Variants in RFC2 observed in about 807,000 individuals in gnomAD.
RFC2 encodes replication factor C subunit 2.
Under a neutral mutation model 44.8 loss-of-function variants are expected in RFC2, and 34 were observed. The observed-to-expected ratio is 0.76, with a 90% CI of 0.58 to 1.01. RFC2 has a LOEUF of 1.01. Ranked by LOEUF, RFC2 falls within the 50% of genes least tolerant of loss-of-function variation. RFC2 has a pLI of 0.00. For synonymous variants in RFC2, 177 were observed against 168.9 expected (o/e 1.05, Z -0.37); for missense variants, 400 against 453.6 (o/e 0.88, Z 1.07).
intron 5 of RFC2, among the ~76,000 whole-genome samples, chr7:74,243,772 C>A (rs1436725018): frequency 6.7e-6 from 1 of 149,858 alleles, no homozygotes; most frequent in African/African-American, 2.4e-5. Flanking sequence ...CCAGCCTGGG[C>A]AACAAAGTAA....
intron 1 of RFC2, among the ~76,000 whole-genome samples, chr7:74,253,992 T>C (rs1403805581): frequency 6.6e-6 from 1 of 152,172 alleles, no homozygotes; most frequent in African/African-American, 2.4e-5. Flanking sequence ...ACAAAAACTT[T>C]TGAAAAAACC....
Position 74,249,483 on chromosome 7 carries a change from G to A in RFC2, c.225+256C>T, listed in dbSNP as rs139468165. 1.2e-3 allele frequency among the ~76,000 whole-genome samples: 178 copies of A among 152,152 alleles called. 1 individual carries two copies. The highest frequency in any genetic ancestry group is 4.2e-3 in the African/African-American group (174 of 41,494). On this transcript the variant is annotated intron_variant, in intron 3 of 10. Transcript: ENST00000055077. ...TTGAACCTGGGAGGGAGAGGTTGCG[G>A]TGAGCAGAGATTGCACCACTGCACT...
intron 6 of RFC2, among the ~76,000 whole-genome samples, chr7:74,240,502 C>CAAA (rs1216974808): frequency 1.5e-4 from 11 of 73,378 alleles, no homozygotes; most frequent in Admixed American, 7.4e-4. Context: ...GCTGTGTCTC[C>CAAA]AAAAAAAAAA....
Position 74,232,082 on chromosome 7 carries a change from A to G in RFC2, c.*24T>C. On this transcript the variant is annotated 3_prime_UTR_variant, in exon 11 of 11. Transcript: ENST00000055077. The stretch of plus-strand genomic sequence containing the variant: ...CTGTACCTCAGAATAGGGCACCTGT[A>G]AGTCAGTCAGTGAAGTCTCTGCTCT... The G allele has an allele frequency of 7.2e-7, 1 of 1,397,542 alleles. No individual in the cohort carries two copies. Among genetic ancestry groups the G allele is most frequent in the Non-Finnish European group, 1.0e-6 (1 of 984,570 alleles). The allele number at this position is 1,397,542 out of a possible 1,614,324, so 86.6% of individuals were successfully genotyped here.
chr7:74,240,904 G>A (rs1260830749), intron 6 of RFC2, among the ~76,000 whole-genome samples: 2 of 152,044 alleles, frequency 1.3e-5, no homozygotes, highest in Non-Finnish European at 2.9e-5. Context: ...GGGATTACAG[G>A]TGTGAGCCAC....
intron 5 of RFC2, among the ~76,000 whole-genome samples, chr7:74,243,735 G>A (rs1803456462): frequency 6.7e-6 from 1 of 150,364 alleles, no homozygotes; most frequent in South Asian, 2.1e-4. Context: ...TGATGCGGGA[G>A]GACCGCTTGA....
intron 6 of RFC2, among the ~76,000 whole-genome samples, 190 bp downstream of exon 6, chr7:74,242,956 A>C (rs555321971): frequency 6.6e-6 from 1 of 150,792 alleles, no homozygotes; most frequent in Non-Finnish European, 1.5e-5. Context: ...GTGGTGGCAC[A>C]GGCCTGTAGT....
intron 5 of RFC2, among the ~76,000 whole-genome samples, chr7:74,244,527 T>C (rs1055994183): frequency 6.6e-6 from 1 of 151,636 alleles, no homozygotes; most frequent in South Asian, 2.1e-4. Context: ...GGCGCCACCA[T>C]GTCCGGCTAA....
At chr7:74,248,477 A>G (rs545774790) in intron 4 of RFC2, among the ~76,000 whole-genome samples, 1 of 151,968 alleles carries the variant, frequency 6.6e-6, no homozygotes, top group African/African-American at 2.4e-5. Flanking sequence ...AAAAATTTTT[A>G]AACTTGAAAA....
chr7:74,244,840 T>C (rs1803510894), intron 5 of RFC2, among the ~76,000 whole-genome samples: 1 of 151,698 alleles, frequency 6.6e-6, no homozygotes, highest in African/African-American at 2.4e-5. Flanking sequence ...TGCACAAGCC[T>C]GTAGTCTCCG....
At chr7:74,246,639 A>G (rs1554720062) in intron 5 of RFC2, 23 bp downstream of exon 5, 1 of 1,485,142 alleles carries the variant, frequency 6.7e-7, no homozygotes, top group Non-Finnish European at 9.3e-7. Context: ...CAAGGTCAAA[A>G]TACATTTGGC....
intron 1 of RFC2, 103 bp from the exon 2 acceptor site, chr7:74,252,601 A>G: frequency 1.3e-6 from 1 of 749,112 alleles, no homozygotes; most frequent in Non-Finnish European, 2.4e-6. Flanking sequence ...AATTACATAC[A>G]TTCAGTACAA....
intron 6 of RFC2, among the ~76,000 whole-genome samples, chr7:74,242,453 C>T (rs949316216): frequency 1.3e-5 from 2 of 152,124 alleles, no homozygotes; most frequent in Non-Finnish European, 1.5e-5. Flanking sequence ...ATAATACCTC[C>T]TCATAGGATT....
chr7:74,242,240 G>A (rs1180711395), intron 6 of RFC2, among the ~76,000 whole-genome samples: 4 of 152,180 alleles, frequency 2.6e-5, no homozygotes, highest in Admixed American at 6.6e-5. Flanking sequence ...TCGTGACACC[G>A]TGCAGGGGAC....
intron 3 of RFC2, among the ~76,000 whole-genome samples, chr7:74,249,433 C>T (rs1208143132): frequency 2.6e-5 from 4 of 151,948 alleles, no homozygotes; most frequent in East Asian, 1.9e-4. Flanking sequence ...CCCAGCTAGT[C>T]GGGAGGCTGA....
intron 6 of RFC2, among the ~76,000 whole-genome samples, chr7:74,241,800 A>C (rs1208183891): frequency 6.6e-6 from 1 of 152,202 alleles, no homozygotes; most frequent in African/African-American, 2.4e-5. Flanking sequence ...TCTCTAAGAA[A>C]AATACAAAAA....
At chr7:74,233,647 C>G (rs1419658499) in intron 10 of RFC2, 2 of 190,640 alleles carry the variant, frequency 1.0e-5, no homozygotes, top group African/African-American at 5.0e-5. Flanking sequence ...GTCGCCCAAG[C>G]TGTAGTGCAG....
intron 1 of RFC2, among the ~76,000 whole-genome samples, chr7:74,252,832 G>A (rs782546206): frequency 2.6e-5 from 4 of 152,152 alleles, no homozygotes; most frequent in Non-Finnish European, 5.9e-5. Flanking sequence ...CTACTTGGGA[G>A]GCTAAGGCAC....
chr7:74,237,519 C>A, intron 8 of RFC2, 77 bp from the exon 9 acceptor site: 9 of 843,640 alleles, frequency 1.1e-5, no homozygotes, highest in Non-Finnish European at 1.4e-5. Context: ...AGACCGACTT[C>A]CAGGCAATCT....
Sources: gnomAD v4.1 joint callset for allele counts (sites outside exome capture counted in the v4.1 genomes callset) on GRCh38, gnomAD v4.1.1 for gene constraint, MANE v1.5 for transcripts, NCBI Gene and HGNC (gene_info 2026-07-23, HGNC 2026-07-21) for gene names.